Variants in GSPT1 observed in about 807,000 individuals in gnomAD.
The protein encoded by GSPT1 is eukaryotic peptide chain release factor GTP-binding subunit ERF3A.
GSPT1 carries 20 observed loss-of-function variants against 72.5 expected under a neutral mutation model. The observed-to-expected ratio is 0.28, with a 90% CI of 0.19 to 0.40. The LOEUF (loss-of-function observed/expected upper bound fraction) is 0.40. Among genes scored for constraint, GSPT1 ranks in the 10% least tolerant of loss-of-function variants. The probability of loss-of-function intolerance (pLI) is 1.00; values close to 1 mark genes in which losing one functional copy is unlikely to be tolerated. For missense variants in GSPT1, 580 were observed against 811.9 expected, an observed-to-expected ratio of 0.71 and a Z score of 3.47; for synonymous variants, 334 against 293.5, an observed-to-expected ratio of 1.14 and a Z score of -1.41.
chr16:11,885,307 G>A (rs2054174472), intron 9 of GSPT1, 33 bp from the exon 10 acceptor site: 2 of 1,026,240 alleles, frequency 1.9e-6, no homozygotes, highest in Non-Finnish European at 3.1e-6. Context: ...ATTAAAGGAA[G>A]TCAACATAAA....
Position 11,897,864 on chromosome 16 carries a change from TA to T in GSPT1, c.411del (p.Ser138AlafsTer9). ...CCAATAGGTTCTGAAAGTTCCATGCTAACAGCTGAATTTGAACCTAGACAAG... is the reference window on the plus strand; with the variant it reads ...CCAATAGGTTCTGAAAGTTCCATGCTACAGCTGAATTTGAACCTAGACAAG... The part of the protein sequence containing the change: ...QSLCEGSNSA[V>X]SMELSEPIVE... On this transcript the variant is annotated frameshift_variant, in exon 3 of 15. Transcript: ENST00000434724. LOFTEE classifies it high-confidence loss of function. 1 of 1,543,430 alleles carries T rather than the reference TA, an allele frequency of 6.5e-7. No individual in the cohort carries two copies. The highest frequency in any genetic ancestry group is 8.8e-7 in the Non-Finnish European group (1 of 1,133,030).
chr16:11,902,156 G>A (rs1020246263), intron 1 of GSPT1, among the ~76,000 whole-genome samples: 1 of 151,592 alleles, frequency 6.6e-6, no homozygotes, highest in Admixed American at 6.6e-5. Context: ...GCCGAGGCGG[G>A]TGGATCACAA....
chr16:11,892,524 A>AAAAAAC (rs200463988), intron 5 of GSPT1, among the ~76,000 whole-genome samples: 1 of 126,646 alleles, frequency 7.9e-6, no homozygotes, highest in South Asian at 2.3e-4. Flanking sequence ...CAAAAAAAAC[A>AAAAAAC]AAAAAAACAA....
At chr16:11,873,531 G>C (rs1370074938) in intron 14 of GSPT1, among the ~76,000 whole-genome samples, 1 of 151,952 alleles carries the variant, frequency 6.6e-6, no homozygotes, top group Non-Finnish European at 1.5e-5. Context: ...GGCTGGTCTT[G>C]AACTCCTGAC....
chr16:11,876,698 G>A (rs756897730), intron 12 of GSPT1, among the ~76,000 whole-genome samples: 1 of 152,060 alleles, frequency 6.6e-6, no homozygotes, highest in Admixed American at 6.6e-5. Flanking sequence ...AGCCAAGATC[G>A]CGCCACTGCA....
intron 11 of GSPT1, 88 bp downstream of exon 11, chr16:11,882,927 T>C: frequency 1.2e-6 from 1 of 815,230 alleles, no homozygotes; most frequent in Non-Finnish European, 2.1e-6. Flanking sequence ...ACTGTACTCC[T>C]GCCTCGGTGA....
chr16:11,915,822 G>C lies in GSPT1; in HGVS notation c.-102C>G. 1 of 1,537,216 alleles carries C rather than the reference G, an allele frequency of 6.5e-7. No individual in the cohort carries two copies. The highest frequency in any genetic ancestry group is 8.8e-7 in the Non-Finnish European group (1 of 1,130,334). On this transcript the variant is annotated 5_prime_UTR_variant, in exon 1 of 15. Transcript: ENST00000434724. ...AACGCTGACTGAGGGAAGGCGGCGG[G>C]GCAGAAGGGCCGGGAGCTAGCGACA...
rs531332941 is a variant in GSPT1 at position 11,887,765 on chromosome 16, A to T, written c.777-15T>A. Reference sequence around the variant, plus strand: ...AAGACAAGTACCTGAAATAATTTTTAAAAAAAGAACAATATTCCTAAGAAC... The same window carrying T: ...AAGACAAGTACCTGAAATAATTTTTTAAAAAAGAACAATATTCCTAAGAAC... On this transcript the variant is annotated splice_polypyrimidine_tract_variant and intron_variant, in intron 6 of 14. Transcript: ENST00000434724. 98 of 1,557,880 alleles carry T rather than the reference A, an allele frequency of 6.3e-5. 2 individuals carry two copies. In the Middle Eastern group the frequency reaches 4.4e-3, roughly 70 times the overall value.
At chr16:11,895,210 G>A (rs1429892491) in intron 4 of GSPT1, 4 of 400,464 alleles carry the variant, frequency 1.0e-5, no homozygotes, top group Non-Finnish European at 1.9e-5. Flanking sequence ...GAGGGCGGAT[G>A]ACCTCAGGTC....
chr16:11,897,922 GTATC>G, intron 2 of GSPT1, 41 bp from the exon 3 acceptor site: 1 of 1,449,378 alleles, frequency 6.9e-7, no homozygotes, highest in South Asian at 1.2e-5. Flanking sequence ...TTACCAAACA[GTATC>G]TAGCTTTACA....
rs2054062850 is a variant in GSPT1, at chr16:11,877,472, G to T, written c.1537C>A (p.Leu513Ile). 6 of 1,611,900 alleles carry T rather than the reference G, an allele frequency of 3.7e-6. No individual in the cohort carries two copies. Among genetic ancestry groups the T allele is most frequent in the East Asian group, 2.2e-5 (1 of 44,784 alleles). Residue 513 changes from leucine (L) to isoleucine (I), a missense_variant, in exon 12 of 15, where the codon CTT becomes ATT. By Grantham distance (5) the Leu-to-Ile change is conservative (BLOSUM62 2). Around this residue, in one of 6 missense-constraint regions of GSPT1, gnomAD observed 120 missense variants for 242.5 expected, o/e 0.49. Coordinates refer to ENST00000434724, the MANE Select transcript of GSPT1 (RefSeq NM_002094.4). This position sits in a 1 kb window ranked among gnomAD's most constrained non-coding sequence, Gnocchi z 4.0. The part of the protein sequence containing the change: ...RLKGIEEEEI[L>I]PGFILCDPNN... ...GGATCACAAAGTATAAACCCTGGAA[G>T]AATCTCCTCTTCTTCAATTCCTTTC... is the stretch of plus-strand genomic sequence containing the variant.
intron 1 of GSPT1, among the ~76,000 whole-genome samples, chr16:11,903,691 C>CA (rs1185860992): frequency 2.0e-5 from 3 of 151,030 alleles, no homozygotes; most frequent in Non-Finnish European, 4.4e-5. Flanking sequence ...ACCCTGTCTC[C>CA]AAAAAAAAGG....
chr16:11,892,516 A>C (rs2054275630), intron 5 of GSPT1, among the ~76,000 whole-genome samples: 1 of 140,820 alleles, frequency 7.1e-6, no homozygotes. Flanking sequence ...CAAAAAAACA[A>C]AAAAAACAAA....
Position 11,877,377 on chromosome 16 carries a change from C to T in GSPT1, c.1602+30G>A, listed in dbSNP as rs1370056266. Reference sequence around the variant, plus strand: ...TCTAATTTCATTTAGACATTAAAACCCACTATGACAACAACAATAATTTGT... The same window carrying T: ...TCTAATTTCATTTAGACATTAAAACTCACTATGACAACAACAATAATTTGT... On this transcript the variant is annotated intron_variant, in intron 12 of 14. Transcript: ENST00000434724. The surrounding 1 kb of genome is among the most constrained non-coding windows in gnomAD (Gnocchi z 4.0). 2 of 1,476,680 alleles carry T rather than the reference C, an allele frequency of 1.4e-6. No individual in the cohort carries two copies. The highest frequency in any genetic ancestry group is 1.8e-6 in the Non-Finnish European group (2 of 1,092,412). 91.5% of individuals were successfully genotyped at this position (1,476,680 alleles called of 1,614,324 possible). A position where few individuals can be genotyped will look rare whatever the true frequency, so the allele number is the denominator to read the frequency against.
chr16:11,885,533 A>T (rs1234791906), intron 9 of GSPT1, among the ~76,000 whole-genome samples: 7 of 152,208 alleles, frequency 4.6e-5, no homozygotes, highest in Non-Finnish European at 1.0e-4. Context: ...TAAATTGACT[A>T]TATTACTTTT....
At chr16:11,912,206 G>A (rs1282930038) in intron 1 of GSPT1, among the ~76,000 whole-genome samples, 2 of 151,644 alleles carry the variant, frequency 1.3e-5, no homozygotes, top group African/African-American at 4.8e-5. Flanking sequence ...AAAATAGCTG[G>A]GCATGATGGC....
chr16:11,902,129 T>A (rs1174966401), intron 1 of GSPT1, among the ~76,000 whole-genome samples: 1 of 146,040 alleles, frequency 6.8e-6, no homozygotes, highest in African/African-American at 2.6e-5. Flanking sequence ...ATGCCTATAA[T>A]CCCAGCACTT....
chr16:11,909,109 A>C (rs2054525954), intron 1 of GSPT1, among the ~76,000 whole-genome samples: 2 of 151,828 alleles, frequency 1.3e-5, no homozygotes, highest in African/African-American at 4.8e-5. Context: ...TTTTCAAGTG[A>C]AGCGACATAC....
chr16:11,871,070 A>G lies in GSPT1; in HGVS notation c.*2049T>C, dbSNP rs541192571. 8.5e-5 allele frequency: 13 copies of G among 152,348 alleles called. No homozygotes were observed. The East Asian group carries it at 2.3e-3, about 27-fold the overall frequency. 9.4% of individuals were successfully genotyped at this position (152,348 alleles called of 1,614,324 possible). On this transcript the variant is annotated 3_prime_UTR_variant, in exon 15 of 15. Coordinates refer to ENST00000434724, the MANE Select transcript of GSPT1 (RefSeq NM_002094.4). ...TAGTATTTGTTTTTATTAACATGGA[A>G]TTACAAAAAGAACTATTATGTTTTG... is the stretch of plus-strand genomic sequence containing the variant.
Sources: gnomAD v4.1 joint callset for allele counts (sites outside exome capture counted in the v4.1 genomes callset) on GRCh38, gnomAD v4.1.1 for gene constraint, gnomAD v4.1.1 regional missense constraint, Gnocchi (gnomAD v3.1) non-coding constraint, MANE v1.5 for transcripts, NCBI Gene and HGNC (gene_info 2026-07-23, HGNC 2026-07-21) for gene names.